The following SLC35E4 variants were observed in gnomAD, a reference collection of about 807,000 sequenced individuals.
SLC35E4 encodes solute carrier family 35 member E4.
SLC35E4 carries 15 observed loss-of-function variants against 19.3 expected under a neutral mutation model. That is an observed-to-expected ratio of 0.78 (90% CI 0.52 to 1.20). The LOEUF (loss-of-function observed/expected upper bound fraction) is 1.20, where lower values mean the gene tolerates loss of function less well. SLC35E4 is among the 50% of genes most tolerant of loss of function. SLC35E4 has a pLI of 0.00. For synonymous variants in SLC35E4, 219 were observed against 219.9 expected (o/e 1.00, Z 0.04); for missense variants, 406 against 472.3 (o/e 0.86, Z 1.30).
chr22:30,642,100 T>C (rs1460071041), intron 1 of SLC35E4, among the ~76,000 whole-genome samples: 2 of 151,800 alleles, frequency 1.3e-5, no homozygotes, highest in African/African-American at 4.8e-5. Context: ...CGGCCTCAAT[T>C]TCCCAGGCTC....
At chr22:30,664,299 C>T (rs2088576245), downstream of SLC35E4, among the ~76,000 whole-genome samples, 1 of 152,206 alleles carries the variant, frequency 6.6e-6, no homozygotes, top group African/African-American at 2.4e-5. Flanking sequence ...TCTGCATTTT[C>T]AGCATGCTTC....
downstream of SLC35E4, among the ~76,000 whole-genome samples, chr22:30,648,213 C>A (rs2088164666): frequency 6.6e-6 from 1 of 152,116 alleles, no homozygotes; most frequent in Admixed American, 6.6e-5. Flanking sequence ...ATTTCCTACC[C>A]CAGACCCCAA....
intron 2 of SLC35E4, among the ~76,000 whole-genome samples, chr22:30,659,091 TC>T (rs1335316487): frequency 1.5e-5 from 2 of 131,872 alleles, no homozygotes; most frequent in Non-Finnish European, 3.1e-5. Context: ...GCCATTGCAC[TC>T]CAGCCTAGGC....
At chr22:30,642,111 G>A (rs143531291) in intron 1 of SLC35E4, among the ~76,000 whole-genome samples, 196 of 151,818 alleles carry the variant, frequency 1.3e-3, no homozygotes, top group Non-Finnish European at 2.0e-3. Context: ...TCCCAGGCTC[G>A]GGCAATCCTC....
downstream of SLC35E4, among the ~76,000 whole-genome samples, chr22:30,651,363 G>A (rs1215762640): frequency 1.9e-5 from 2 of 107,748 alleles, no homozygotes; most frequent in Admixed American, 2.2e-4. Flanking sequence ...ACCACACGTG[G>A]CTAATTTTTG....
Position 30,636,686 on chromosome 22 carries a change from C to A in SLC35E4, c.236C>A (p.Pro79His). 1 of 1,611,854 alleles carries A rather than the reference C, an allele frequency of 6.2e-7. No homozygotes were observed. The highest frequency in any genetic ancestry group is 8.5e-7 in the Non-Finnish European group (1 of 1,178,994). The change falls in exon 1 of 2, where the codon CCC (proline) becomes CAC (histidine). Residue 79 changes from proline to histidine, a missense_variant. Pro to His is a moderately conservative substitution (Grantham distance 77). Transcript: ENST00000343605. ...WIFTVHGFGRPLLLSALHMLV... is the reference protein window; with the variant it reads ...WIFTVHGFGRHLLLSALHMLV... The stretch of plus-strand genomic sequence containing the variant: ...TTCACAGTGCACGGCTTTGGGCGGC[C>A]CCTGCTGCTGTCGGCCCTGCACATG...
At chr22:30,658,042 G>C (rs1267662997) in intron 2 of SLC35E4, among the ~76,000 whole-genome samples, 1 of 151,612 alleles carries the variant, frequency 6.6e-6, no homozygotes, top group Non-Finnish European at 1.5e-5. Context: ...GGGAGTTTGA[G>C]GCTGCAGTGG....
At chr22:30,637,622 C>T (rs1410948089) in intron 1 of SLC35E4, among the ~76,000 whole-genome samples, 1 of 152,098 alleles carries the variant, frequency 6.6e-6, no homozygotes, top group Non-Finnish European at 1.5e-5. Context: ...AACTCCTGTC[C>T]TCAGCGATCT....
chr22:30,646,445 C>A (rs945552354), intron 1 of SLC35E4, among the ~76,000 whole-genome samples, 153 bp from the exon 2 acceptor site: 1 of 152,114 alleles, frequency 6.6e-6, no homozygotes, highest in Non-Finnish European at 1.5e-5. Context: ...GGTCTGACTC[C>A]AACTCTTGAC....
chr22:30,657,145 A>C (rs540692650), intron 2 of SLC35E4, among the ~76,000 whole-genome samples: 4 of 151,808 alleles, frequency 2.6e-5, no homozygotes, highest in Middle Eastern at 3.4e-3. Context: ...ATGTAAGATA[A>C]ATTTCTGGGC....
downstream of SLC35E4, among the ~76,000 whole-genome samples, chr22:30,651,399 GTATATA>G (rs1427700463): frequency 1.8e-3 from 111 of 61,250 alleles, 1 homozygote; most frequent in East Asian, 7.6e-3. Flanking sequence ...GTGTGTGTGT[GTATATA>G]TATATATATA....
At chr22:30,657,944 A>G (rs2088378433) in intron 2 of SLC35E4, among the ~76,000 whole-genome samples, 1 of 147,390 alleles carries the variant, frequency 6.8e-6, no homozygotes, top group Non-Finnish European at 1.5e-5. Flanking sequence ...AATAATAATA[A>G]TAATAATAAT....
chr22:30,639,869 G>A (rs996407996), intron 1 of SLC35E4, among the ~76,000 whole-genome samples: 1 of 152,140 alleles, frequency 6.6e-6, no homozygotes, highest in African/African-American at 2.4e-5. Context: ...GGGTCCTGAG[G>A]CGACATACAG....
chr22:30,639,368 A>T (rs1049053423), intron 1 of SLC35E4, among the ~76,000 whole-genome samples: 1 of 152,194 alleles, frequency 6.6e-6, no homozygotes, highest in African/African-American at 2.4e-5. Context: ...TCACAGGACC[A>T]TAGGACCGGG....
chr22:30,648,070 C>T (rs190683955), downstream of SLC35E4, among the ~76,000 whole-genome samples: 128 of 152,258 alleles, frequency 8.4e-4, no homozygotes, highest in Middle Eastern at 6.8e-3. Context: ...ATCTTCTGGA[C>T]AGTGGCAGTG....
intron 1 of SLC35E4, among the ~76,000 whole-genome samples, chr22:30,638,511 A>G (rs1448398989): frequency 2.4e-4 from 36 of 147,160 alleles, no homozygotes; most frequent in African/African-American, 8.8e-4. Context: ...CAAAAAAAAA[A>G]AAAAAAAAAA....
chr22:30,641,718 A>ATTT (rs56070783), intron 1 of SLC35E4, among the ~76,000 whole-genome samples: 6 of 108,948 alleles, frequency 5.5e-5, no homozygotes, highest in African/African-American at 6.7e-5. Flanking sequence ...CTAATTTTTA[A>ATTT]TTTTTTTTTT....
At chr22:30,663,455 A>G (rs2088540087), downstream of SLC35E4, 1 of 1,610,846 alleles carries the variant, frequency 6.2e-7, no homozygotes, top group African/African-American at 1.3e-5. Context: ...GAATCATCAA[A>G]CGGACTTCCT....
chr22:30,655,867 C>A (rs2088329467), intron 2 of SLC35E4, among the ~76,000 whole-genome samples: 1 of 152,116 alleles, frequency 6.6e-6, no homozygotes, highest in Admixed American at 6.5e-5. Flanking sequence ...TCTTAACATT[C>A]CTCCCAAGCT....
Sources: gnomAD v4.1 joint callset for allele counts (sites outside exome capture counted in the v4.1 genomes callset) on GRCh38, gnomAD v4.1.1 for gene constraint, MANE v1.5 for transcripts, NCBI Gene and HGNC (gene_info 2026-07-23, HGNC 2026-07-21) for gene names.